The following CHST9 variants were observed in gnomAD, a reference collection of about 807,000 sequenced individuals.
The protein encoded by CHST9 is carbohydrate sulfotransferase 9.
Under a neutral mutation model 44.4 loss-of-function variants are expected in CHST9, and 41 were observed. That is an observed-to-expected ratio of 0.92 (90% CI 0.72 to 1.20). The LOEUF is 1.20. Ranked by LOEUF, CHST9 falls within the 50% of genes most tolerant of loss-of-function variation. The probability of loss-of-function intolerance (pLI) is 0.00; values close to 1 mark genes in which losing one functional copy is unlikely to be tolerated. For missense variants in CHST9, 504 were observed against 516.5 expected, an observed-to-expected ratio of 0.98 and a Z score of 0.23; for synonymous variants, 171 against 178.4, an observed-to-expected ratio of 0.96 and a Z score of 0.33.
At chr18:26,946,811 C>CA (rs71169899) in intron 4 of CHST9, among the ~76,000 whole-genome samples, 27,986 of 151,990 alleles carry the variant, frequency 0.18, 2,695 homozygotes, top group East Asian at 0.24. Context: ...TCAGGTTTGT[C>CA]AAGATCAGAT....
In CHST9 at chr18:27,141,591, C is replaced by CAA. The variant is rs34920055; in HGVS notation, c.121+1096_121+1097dup. Among the ~76,000 whole-genome samples, 418 of 49,912 alleles carry CAA rather than the reference C, an allele frequency of 8.4e-3. 1 individual carries two copies. The highest frequency in any genetic ancestry group is 0.021 in the Middle Eastern group (1 of 48). The allele number at this position is 49,912 out of a possible 152,430, so 32.7% of individuals were successfully genotyped here. ...GGGCGACAGGAGTAAAATCCCGACT[C>CAA]AAAAAAAAAAAAAAAAAAAAAAAAA... On this transcript the variant is annotated intron_variant, in intron 2 of 5. Coordinates refer to ENST00000618847, the MANE Select transcript of CHST9 (RefSeq NM_031422.6).
chr18:27,026,952 T>TA (rs2057291062), intron 3 of CHST9, among the ~76,000 whole-genome samples: 1 of 152,230 alleles, frequency 6.6e-6, no homozygotes, highest in South Asian at 2.1e-4. Flanking sequence ...AAGCATGTTT[T>TA]ACCTCTTGAA....
intron 3 of CHST9, among the ~76,000 whole-genome samples, chr18:27,025,191 TAATA>T (rs1598649401): frequency 6.7e-6 from 1 of 148,384 alleles, no homozygotes; most frequent in East Asian, 1.9e-4. Context: ...TATTATATAT[TAATA>T]TATATTCTAT....
At chr18:26,958,860 A>G (rs2056363163) in intron 4 of CHST9, among the ~76,000 whole-genome samples, 1 of 152,228 alleles carries the variant, frequency 6.6e-6, no homozygotes, top group African/African-American at 2.4e-5. Context: ...ATGCTTATAC[A>G]CTGTTGGTGG....
chr18:27,125,214 A>G (rs953827797), intron 2 of CHST9, among the ~76,000 whole-genome samples: 1 of 152,210 alleles, frequency 6.6e-6, no homozygotes, highest in Non-Finnish European at 1.5e-5. Context: ...GAAATGTAAA[A>G]CTGTGAGAGC....
chr18:27,082,844 A>C (rs1288131206), intron 2 of CHST9, among the ~76,000 whole-genome samples: 1 of 152,194 alleles, frequency 6.6e-6, no homozygotes, highest in East Asian at 1.9e-4. Context: ...CTAAATGCTT[A>C]CTTGGTGTGC....
chr18:27,047,910 A>T (rs926731324), intron 3 of CHST9, among the ~76,000 whole-genome samples: 3 of 152,202 alleles, frequency 2.0e-5, no homozygotes, highest in Non-Finnish European at 4.4e-5. Context: ...ATGAAAATGT[A>T]AAAACTTAAT....
At chr18:26,947,795 G>T (rs144307315) in intron 4 of CHST9, among the ~76,000 whole-genome samples, 503 of 152,300 alleles carry the variant, frequency 3.3e-3, no homozygotes, top group Middle Eastern at 3.4e-3. Context: ...TTACACTGTT[G>T]GTGGGACTGT....
intron 4 of CHST9, among the ~76,000 whole-genome samples, chr18:26,958,660 A>G (rs1459964150): frequency 6.6e-6 from 1 of 152,222 alleles, no homozygotes; most frequent in South Asian, 2.1e-4. Flanking sequence ...TCATTAAAAA[A>G]TGGACAAAAG....
At chr18:27,099,174 A>G (rs2058146833) in intron 2 of CHST9, among the ~76,000 whole-genome samples, 1 of 152,188 alleles carries the variant, frequency 6.6e-6, no homozygotes, top group Non-Finnish European at 1.5e-5. Context: ...CTGTCACCAT[A>G]TACAAAAATT....
chr18:26,957,731 T>C (rs1171401379), intron 4 of CHST9, among the ~76,000 whole-genome samples: 1 of 152,156 alleles, frequency 6.6e-6, no homozygotes, highest in Non-Finnish European at 1.5e-5. Context: ...TGTGAGTAGA[T>C]TGTGTGTGTA....
chr18:27,079,143 C>T (rs1247130429), intron 2 of CHST9, among the ~76,000 whole-genome samples: 2 of 152,174 alleles, frequency 1.3e-5, no homozygotes, highest in Non-Finnish European at 2.9e-5. Flanking sequence ...AACCATATTT[C>T]ATCCTCATTG....
intron 1 of CHST9, among the ~76,000 whole-genome samples, chr18:27,163,684 G>A (rs2058767409): frequency 6.6e-6 from 1 of 152,170 alleles, no homozygotes; most frequent in Non-Finnish European, 1.5e-5. Context: ...TAGGGTGGGA[G>A]TGACCCTAAT....
intron 2 of CHST9, among the ~76,000 whole-genome samples, chr18:27,076,683 T>C (rs59567392): frequency 0.13 from 19,895 of 152,240 alleles, 1,449 homozygotes; most frequent in Middle Eastern, 0.22. Context: ...TTCCTCTGCA[T>C]AACCTTGAGG....
chr18:26,999,851 A>G (rs945813318), intron 4 of CHST9, among the ~76,000 whole-genome samples: 15 of 152,248 alleles, frequency 9.9e-5, no homozygotes, highest in African/African-American at 2.9e-4. Flanking sequence ...ATAAAAATAA[A>G]AACAACAAAT....
In CHST9 at chr18:26,990,500, T is replaced by C. The variant is rs145931581; in HGVS notation, c.202+33616A>G. 4.3e-3 allele frequency among the ~76,000 whole-genome samples: 652 copies of C among 152,336 alleles called. 4 individuals carry two copies. The highest frequency in any genetic ancestry group is 0.015 in the African/African-American group (636 of 41,580). On this transcript the variant is annotated intron_variant, in intron 4 of 5. Transcript: ENST00000618847. Reference sequence around the variant, plus strand: ...AAACTATTTTGCTTTAAAAGTTATATGTGTTTCACTTCCAAAAATAATCTG... The same window carrying C: ...AAACTATTTTGCTTTAAAAGTTATACGTGTTTCACTTCCAAAAATAATCTG...
intron 4 of CHST9, among the ~76,000 whole-genome samples, chr18:26,956,701 G>A (rs991160539): frequency 6.6e-5 from 10 of 151,982 alleles, no homozygotes; most frequent in Non-Finnish European, 5.9e-5. Flanking sequence ...TTGAAAAGGC[G>A]GAATGAAATT....
chr18:27,107,966 G>C (rs548156766), intron 2 of CHST9, among the ~76,000 whole-genome samples: 1 of 152,214 alleles, frequency 6.6e-6, no homozygotes, highest in Non-Finnish European at 1.5e-5. Flanking sequence ...ATTACTCAGG[G>C]CTTGTTTCTC....
At position 27,156,366 on chromosome 18, in the gene CHST9, T is replaced by C. The variant is rs79444320; in HGVS notation, c.-96-13461A>G. Among the ~76,000 whole-genome samples, 405 of 152,170 alleles carry C rather than the reference T, an allele frequency of 2.7e-3. 13 individuals carry two copies. In the East Asian group the frequency reaches 0.071, roughly 27 times the overall value. ...CCTTTAACCTTAAATAAAAATAAGG[T>C]ATTTTGGGTACTATGTATATAATCA... On this transcript the variant is annotated intron_variant, in intron 1 of 5. Coordinates refer to ENST00000618847, the MANE Select transcript of CHST9 (RefSeq NM_031422.6).
Sources: allele counts gnomAD v4.1 joint callset (sites outside exome capture counted in the v4.1 genomes callset), GRCh38; gene constraint gnomAD v4.1.1; transcripts MANE v1.5; gene names NCBI Gene and HGNC (gene_info 2026-07-23, HGNC 2026-07-21).